Variants in WDR35 observed in about 807,000 individuals in gnomAD.
WDR35 encodes WD repeat-containing protein 35.
WDR35 carries 118 observed loss-of-function variants against 158.3 expected under a neutral mutation model. The ratio of observed to expected loss-of-function variants is 0.75; its 90% CI spans 0.64 to 0.87. The LOEUF (loss-of-function observed/expected upper bound fraction) is 0.87. Ranked by LOEUF, WDR35 falls within the 40% of genes least tolerant of loss-of-function variation. The pLI is 0.00. For missense variants in WDR35, 1,263 were observed against 1,405.8 expected (o/e 0.90, Z 1.62); for synonymous variants, 448 against 476.1 (o/e 0.94, Z 0.77).
intron 7 of WDR35, 78 bp downstream of exon 7, chr2:19,974,390 C>T: frequency 5.7e-6 from 8 of 1,391,682 alleles, no homozygotes; most frequent in Non-Finnish European, 7.7e-6. Context: ...GCCTGGGCGA[C>T]AGAGTGAGAC....
chr2:19,923,160 C>T (rs1437345419), intron 25 of WDR35, among the ~76,000 whole-genome samples: 1 of 152,024 alleles, frequency 6.6e-6, no homozygotes, highest in Non-Finnish European at 1.5e-5. Context: ...GTTGTGAGAC[C>T]CCTGATTTCC....
At chr2:19,913,802 C>G (rs1453143249) in intron 26 of WDR35, 94 bp from the exon 27 acceptor site, 2 of 1,536,202 alleles carry the variant, frequency 1.3e-6, no homozygotes, top group Non-Finnish European at 1.8e-6. Flanking sequence ...AAGAATAAAA[C>G]TTCTGAGATG....
Position 19,911,230 on chromosome 2 carries a change from A to T in WDR35, c.*2328T>A, listed in dbSNP as rs1412653170. The stretch of plus-strand genomic sequence containing the variant: ...CTAGAACTAAAGCAAATGAAAGTGC[A>T]ACCAACAAATCACAGTAAGGGGCTA... On this transcript the variant is annotated 3_prime_UTR_variant, in exon 27 of 27. Coordinates refer to ENST00000281405, the MANE Select transcript of WDR35 (RefSeq NM_020779.4). 1 of 152,236 alleles carries T rather than the reference A, an allele frequency of 6.6e-6. No individual in the cohort carries two copies. Among genetic ancestry groups the T allele is most frequent in the East Asian group, 1.9e-4 (1 of 5,184 alleles). 9.4% of individuals were successfully genotyped at this position (152,236 alleles called of 1,614,324 possible). A position where few individuals can be genotyped will look rare whatever the true frequency, so the allele number is the denominator to read the frequency against.
chr2:19,922,605 A>C (rs898726725), intron 25 of WDR35, among the ~76,000 whole-genome samples: 1 of 152,130 alleles, frequency 6.6e-6, no homozygotes, highest in Non-Finnish European at 1.5e-5. Context: ...ATAAGGAGAA[A>C]TACCTAATGT....
chr2:19,938,861 C>T (rs1029950850), intron 17 of WDR35, among the ~76,000 whole-genome samples: 1 of 152,198 alleles, frequency 6.6e-6, no homozygotes, highest in African/African-American at 2.4e-5. Flanking sequence ...GCACCCCTAA[C>T]TCTTTTCTGG....
intron 25 of WDR35, among the ~76,000 whole-genome samples, chr2:19,917,985 C>T (rs1055611688): frequency 1.3e-5 from 2 of 152,184 alleles, no homozygotes; most frequent in Middle Eastern, 3.4e-3. Flanking sequence ...TTAAGGGCAA[C>T]CTGAGAGAAA....
At chr2:19,988,489 A>G (rs1672644311) in intron 2 of WDR35, among the ~76,000 whole-genome samples, 1 of 152,190 alleles carries the variant, frequency 6.6e-6, no homozygotes, top group Non-Finnish European at 1.5e-5. Context: ...CCAAAAATGT[A>G]ATGCAGTTTA....
chr2:19,914,991 C>T (rs1431254788), intron 25 of WDR35, among the ~76,000 whole-genome samples: 4 of 151,932 alleles, frequency 2.6e-5, no homozygotes, highest in Non-Finnish European at 4.4e-5. Flanking sequence ...ATGTAGATGA[C>T]GGTTGATGGG....
At chr2:19,925,449 G>A (rs996876980) in intron 25 of WDR35, among the ~76,000 whole-genome samples, 5 of 152,114 alleles carry the variant, frequency 3.3e-5, no homozygotes, top group East Asian at 1.9e-4. Flanking sequence ...ACTGATAAAC[G>A]TCCTACCTGT....
intron 11 of WDR35, among the ~76,000 whole-genome samples, chr2:19,954,670 A>G (rs1164487570): frequency 6.6e-6 from 1 of 152,236 alleles, no homozygotes; most frequent in African/African-American, 2.4e-5. Context: ...TCAGACAATA[A>G]CAAGTGTTAG....
intron 10 of WDR35, among the ~76,000 whole-genome samples, chr2:19,964,767 T>C (rs1671794575): frequency 6.6e-6 from 1 of 152,150 alleles, no homozygotes; most frequent in Non-Finnish European, 1.5e-5. Flanking sequence ...ACTTTACAAG[T>C]GTTTTCCTTC....
chr2:19,959,597 CATAGAGT>C (rs1671567656), intron 11 of WDR35, among the ~76,000 whole-genome samples: 1 of 151,848 alleles, frequency 6.6e-6, no homozygotes, highest in African/African-American at 2.4e-5. Context: ...GACCCTAAGC[CATAGAGT>C]ATAAAGTCTT....
Position 19,985,896 on chromosome 2 carries a change from C to T in WDR35, c.142+3269G>A, listed in dbSNP as rs1388705524. Among the ~76,000 whole-genome samples, 17 of 59,814 alleles carry T rather than the reference C, an allele frequency of 2.8e-4. No individual in the cohort carries two copies. The East Asian group carries it at 6.0e-3, about 21-fold the overall frequency. 39.2% of individuals were successfully genotyped at this position (59,814 alleles called of 152,430 possible). ...TGGGCAACAGAGTGAGACCCCATCT[C>T]GGGAAAAAAAAAAAAAAAAAAAAAA... On this transcript the variant is annotated intron_variant, in intron 2 of 26. Transcript: ENST00000281405.
At chr2:19,982,570 T>A in intron 2 of WDR35, 36 bp from the exon 3 acceptor site, 1 of 1,600,136 alleles carries the variant, frequency 6.2e-7, no homozygotes. Flanking sequence ...ATGATAAATA[T>A]GTAAAAGTGA....
Position 19,938,303 on chromosome 2 carries a change from T to G in WDR35, c.2025A>C (p.Ala675=). Residue 675 remains alanine, a synonymous_variant, in exon 18 of 27, where the codon GCA becomes GCC. Coordinates refer to ENST00000281405, the MANE Select transcript of WDR35 (RefSeq NM_020779.4). ...GTGGATTGTCCTCTATGAACTGAGA[T>G]GCATCTTTAATTCCAACCTTCTCAA... ...ALIEKVGIKD[A]SQFIEDNPHP... is the part of the protein sequence containing the mutation. 1 of 1,614,066 alleles carries G rather than the reference T, an allele frequency of 6.2e-7. No homozygotes were observed. Among genetic ancestry groups the G allele is most frequent in the South Asian group, 1.1e-5 (1 of 91,090 alleles).
Position 19,916,194 on chromosome 2 carries a change from G to A in WDR35, c.3122-1917C>T, listed in dbSNP as rs148515019. Among the ~76,000 whole-genome samples the A allele has an allele frequency of 3.3e-3, 510 of 152,250 alleles. 5 individuals carry two copies. The highest frequency in any genetic ancestry group is 0.012 in the African/African-American group (483 of 41,552). On this transcript the variant is annotated intron_variant, in intron 25 of 26. Coordinates refer to ENST00000281405, the MANE Select transcript of WDR35 (RefSeq NM_020779.4). Reference sequence around the variant, plus strand: ...AAGGGAAGCCATTAGGGACTGTACCGTGCACTCCGGCCCAGATACTGCACT... The same window carrying A: ...AAGGGAAGCCATTAGGGACTGTACCATGCACTCCGGCCCAGATACTGCACT...
chr2:19,962,796 T>A (rs939232674), intron 10 of WDR35, among the ~76,000 whole-genome samples: 1 of 152,160 alleles, frequency 6.6e-6, no homozygotes, highest in East Asian at 1.9e-4. Flanking sequence ...AATCATATTT[T>A]AAAAAATCAT....
chr2:19,973,572 C>T lies in WDR35; in HGVS notation c.873G>A (p.Pro291=), dbSNP rs143780607. The T allele has an allele frequency of 2.9e-5, 46 of 1,614,022 alleles. No homozygotes were observed. Among genetic ancestry groups the T allele is most frequent in the African/African-American group, 1.6e-4 (12 of 74,914 alleles). The part of the protein sequence containing the change: ...KDVNIVQFYT[P]FGEHLGTLKV... ...ATTTGAATGCATTTACCTCACCAAA[C>T]GGAGTGTAAAACTGCACAATGTTCA... Residue 291 remains proline, a synonymous_variant, in exon 8 of 27, where the codon CCG becomes CCA. Coordinates refer to ENST00000281405, the MANE Select transcript of WDR35 (RefSeq NM_020779.4).
At chr2:19,963,533 A>T (rs907103871) in intron 10 of WDR35, among the ~76,000 whole-genome samples, 3 of 152,130 alleles carry the variant, frequency 2.0e-5, no homozygotes, top group African/African-American at 7.2e-5. Flanking sequence ...CATCTGACTC[A>T]CTGGACACAC....
Sources: gnomAD v4.1 joint callset for allele counts (sites outside exome capture counted in the v4.1 genomes callset) on GRCh38, gnomAD v4.1.1 for gene constraint, MANE v1.5 for transcripts, NCBI Gene and HGNC (gene_info 2026-07-23, HGNC 2026-07-21) for gene names.